Variants in DCDC2C observed in about 807,000 individuals in gnomAD.
DCDC2C encodes the protein doublecortin domain containing 2C.
In DCDC2C, 44 loss-of-function variants were observed where a neutral mutation model predicts 45.0. That is an observed-to-expected ratio of 0.98 (90% confidence interval 0.77 to 1.26). The LOEUF (loss-of-function observed/expected upper bound fraction) is 1.26. Ranked by LOEUF, DCDC2C falls within the 50% of genes most tolerant of loss-of-function variation. DCDC2C has a pLI of 0.00. For synonymous variants in DCDC2C, 187 were observed against 178.8 expected (o/e 1.05, Z -0.37); for missense variants, 447 against 468.9 (o/e 0.95, Z 0.43).
chr2:3,739,674 C>T (rs1312322200), intron 3 of DCDC2C, among the ~76,000 whole-genome samples: 1 of 152,254 alleles, frequency 6.6e-6, no homozygotes. Flanking sequence ...CTGAGAGCTA[C>T]GTCCACTCAA....
intron 6 of DCDC2C, among the ~76,000 whole-genome samples, chr2:3,756,915 T>C (rs1371579017): frequency 2.6e-5 from 4 of 152,234 alleles, no homozygotes; most frequent in Non-Finnish European, 1.5e-5. Context: ...TTAGATTTTC[T>C]TTCTCTAAGA....
intron 9 of DCDC2C, among the ~76,000 whole-genome samples, chr2:3,780,960 G>C (rs1304060179): frequency 6.6e-6 from 1 of 152,142 alleles, no homozygotes. Flanking sequence ...TGTGTCCCTC[G>C]TAGATACCGT....
chr2:3,729,079 C>T (rs552382748), intron 3 of DCDC2C, among the ~76,000 whole-genome samples: 1 of 152,384 alleles, frequency 6.6e-6, no homozygotes, highest in South Asian at 2.1e-4. Flanking sequence ...TCCACTTATA[C>T]TGGCGTGGAA....
chr2:3,769,294 G>A lies in DCDC2C; in HGVS notation c.854-17G>A. ...CTCCATGGGTTTCAAAAGTTTGTCT[G>A]TGTGATTTTCTCCCAGAAGGTGACG... On this transcript the variant is annotated splice_polypyrimidine_tract_variant and intron_variant, in intron 7 of 10. Transcript: ENST00000399143. 1 of 1,547,426 alleles carries A rather than the reference G, an allele frequency of 6.5e-7. No homozygotes were observed. Among genetic ancestry groups the A allele is most frequent in the Non-Finnish European group, 8.7e-7 (1 of 1,144,326 alleles).
intron 2 of DCDC2C, among the ~76,000 whole-genome samples, chr2:3,715,731 C>A (rs2148052831): frequency 6.6e-6 from 1 of 152,232 alleles, no homozygotes; most frequent in Non-Finnish European, 1.5e-5. Context: ...GGTTTTTTCA[C>A]TAAATACTTC....
At chr2:3,738,277 T>C (rs1046016348) in intron 3 of DCDC2C, among the ~76,000 whole-genome samples, 3 of 152,170 alleles carry the variant, frequency 2.0e-5, no homozygotes, top group African/African-American at 7.2e-5. Flanking sequence ...AATATTCATT[T>C]TGAGCAATGA....
intron 10 of DCDC2C, among the ~76,000 whole-genome samples, chr2:3,807,346 G>T (rs1671276571): frequency 6.6e-6 from 1 of 152,196 alleles, no homozygotes; most frequent in South Asian, 2.1e-4. Flanking sequence ...GGCGAAGTGT[G>T]CCCAGGCAGG....
rs1263876942 is a variant in DCDC2C at position 3,761,298 on chromosome 2, ATTC to A, written c.727-6451_727-6449del. Among the ~76,000 whole-genome samples the A allele has an allele frequency of 1.3e-5, 2 of 152,234 alleles. No homozygotes were observed. The highest frequency in any genetic ancestry group is 2.9e-5 in the Non-Finnish European group (2 of 68,040). ...TCTGCAATCAGAACATTAATATTAAATTCTTCTGGGCATAGAGCACAAGTGTTC... is the reference window on the plus strand; with the variant it reads ...TCTGCAATCAGAACATTAATATTAAATTCTGGGCATAGAGCACAAGTGTTC... On this transcript the variant is annotated intron_variant, in intron 6 of 10. Transcript: ENST00000399143. This position sits in a 1 kb window ranked among gnomAD's most constrained non-coding sequence, Gnocchi z 4.3.
intron 10 of DCDC2C, among the ~76,000 whole-genome samples, chr2:3,792,549 A>G (rs1670842834): frequency 6.6e-6 from 1 of 152,184 alleles, no homozygotes; most frequent in Non-Finnish European, 1.5e-5. Context: ...ATATATAGTC[A>G]ATTTACGATG....
rs1672355710 is a variant in DCDC2C, at chr2:3,847,214, A to G, written c.*31A>G. 3 of 1,227,534 alleles carry G rather than the reference A, an allele frequency of 2.4e-6. No homozygotes were observed. Among genetic ancestry groups the G allele is most frequent in the Admixed American group, 4.2e-5 (1 of 23,696 alleles). 76.0% of individuals were successfully genotyped at this position (1,227,534 alleles called of 1,614,324 possible). On this transcript the variant is annotated 3_prime_UTR_variant, in exon 11 of 11. Transcript: ENST00000399143. Reference sequence around the variant, plus strand: ...CCACCTTTATTATTACCTGAAGTCCACTTTTCTTCAACCATGGGGCTTCCA... The same window carrying G: ...CCACCTTTATTATTACCTGAAGTCCGCTTTTCTTCAACCATGGGGCTTCCA...
At chr2:3,727,801 C>T (rs1447361352) in intron 3 of DCDC2C, among the ~76,000 whole-genome samples, 2 of 152,192 alleles carry the variant, frequency 1.3e-5, no homozygotes, top group Admixed American at 6.5e-5. Context: ...CGCTCTGAGG[C>T]TGAGGATGTC....
chr2:3,779,995 CAG>C (rs1670467849), intron 9 of DCDC2C, among the ~76,000 whole-genome samples: 1 of 152,198 alleles, frequency 6.6e-6, no homozygotes, highest in Non-Finnish European at 1.5e-5. Context: ...TGATCTAAAA[CAG>C]AGAGTCAAAC....
At chr2:3,718,751 C>A (rs185242489) in intron 2 of DCDC2C, among the ~76,000 whole-genome samples, 1 of 152,104 alleles carries the variant, frequency 6.6e-6, no homozygotes, top group Non-Finnish European at 1.5e-5. Context: ...TGGTTCCTGC[C>A]GGTGGGTTTG....
intron 10 of DCDC2C, among the ~76,000 whole-genome samples, chr2:3,817,357 G>T (rs1219074589): frequency 6.6e-6 from 1 of 152,196 alleles, no homozygotes; most frequent in African/African-American, 2.4e-5. Context: ...GCATGGTGGT[G>T]CAGGATATGG....
Position 3,825,846 on chromosome 2 carries a change from C to T in DCDC2C, c.1066-21308C>T, listed in dbSNP as rs918489643. ...CGGCTCTCGTGTCTTGGCAAATCATCGTTGAGTGCATTCACATCTTCAGTG... is the reference window on the plus strand; with the variant it reads ...CGGCTCTCGTGTCTTGGCAAATCATTGTTGAGTGCATTCACATCTTCAGTG... On this transcript the variant is annotated intron_variant, in intron 10 of 10. Coordinates refer to ENST00000399143, the MANE Select transcript of DCDC2C (RefSeq NM_001287444.2). Among the ~76,000 whole-genome samples, 36 of 152,162 alleles carry T rather than the reference C, an allele frequency of 2.4e-4. 1 individual carries two copies. The highest frequency in any genetic ancestry group is 8.0e-4 in the African/African-American group (33 of 41,432).
At chr2:3,819,045 G>A (rs1299398583) in intron 10 of DCDC2C, among the ~76,000 whole-genome samples, 2 of 152,194 alleles carry the variant, frequency 1.3e-5, no homozygotes, top group Non-Finnish European at 2.9e-5. Flanking sequence ...GGAAGGTAAT[G>A]TGGAGTGGGT....
chr2:3,720,180 G>A (rs373593994), intron 2 of DCDC2C, among the ~76,000 whole-genome samples: 20 of 152,268 alleles, frequency 1.3e-4, no homozygotes, highest in African/African-American at 4.8e-4. Flanking sequence ...GCAAATGGAT[G>A]CCTTAGAAGG....
chr2:3,728,613 G>T (rs1668768180), intron 3 of DCDC2C, among the ~76,000 whole-genome samples: 1 of 152,146 alleles, frequency 6.6e-6, no homozygotes, highest in African/African-American at 2.4e-5. Context: ...GTCTTGGTGT[G>T]TTGGAATTTC....
chr2:3,798,871 G>A (rs1434292016), intron 10 of DCDC2C, among the ~76,000 whole-genome samples: 2 of 152,126 alleles, frequency 1.3e-5, no homozygotes, highest in African/African-American at 4.8e-5. Context: ...TTCTTGAGGA[G>A]TATCTTTGTG....
Sources: allele counts gnomAD v4.1 joint callset (sites outside exome capture counted in the v4.1 genomes callset), GRCh38; gene constraint gnomAD v4.1.1; non-coding constraint Gnocchi (gnomAD v3.1); transcripts MANE v1.5; gene names NCBI Gene and HGNC (gene_info 2026-07-23, HGNC 2026-07-21).